The following KIAA0825 variants were observed in gnomAD, a reference collection of about 807,000 sequenced individuals.
KIAA0825 encodes the protein uncharacterized protein KIAA0825.
KIAA0825 carries 119 observed loss-of-function variants against 147.6 expected under a neutral mutation model. That is an observed-to-expected ratio of 0.81 (90% CI 0.69 to 0.94). The LOEUF (loss-of-function observed/expected upper bound fraction) is 0.94. Ranked by LOEUF, KIAA0825 falls within the 40% of genes least tolerant of loss-of-function variation. KIAA0825 has a pLI of 0.00. For missense variants in KIAA0825, 1,381 were observed against 1,472.7 expected (o/e 0.94, Z 1.02); for synonymous variants, 470 against 518.1 (o/e 0.91, Z 1.26).
intron 20 of KIAA0825, among the ~76,000 whole-genome samples, chr5:94,335,212 C>G (rs1331236570): frequency 6.6e-6 from 1 of 152,082 alleles, no homozygotes. Flanking sequence ...TTACTGTCCC[C>G]CAAAGTTCAG....
chr5:94,382,469 C>G (rs1328519260), intron 20 of KIAA0825, among the ~76,000 whole-genome samples: 1 of 152,136 alleles, frequency 6.6e-6, no homozygotes, highest in Non-Finnish European at 1.5e-5. Context: ...GATAGAAAAG[C>G]CTGTAAACCC....
At chr5:94,377,026 A>G (rs1446192289) in intron 20 of KIAA0825, among the ~76,000 whole-genome samples, 2 of 152,228 alleles carry the variant, frequency 1.3e-5, no homozygotes, top group South Asian at 2.1e-4. Context: ...TCTGCCCTCT[A>G]CACACCACAG....
chr5:94,374,930 A>G (rs1275305628), intron 20 of KIAA0825, among the ~76,000 whole-genome samples: 1 of 152,142 alleles, frequency 6.6e-6, no homozygotes, highest in African/African-American at 2.4e-5. Flanking sequence ...CTCTGAAGAA[A>G]AGGTAAGCAT....
chr5:94,364,344 C>G (rs2150416674), intron 20 of KIAA0825, among the ~76,000 whole-genome samples: 1 of 151,774 alleles, frequency 6.6e-6, no homozygotes, highest in East Asian at 1.9e-4. Context: ...AAGTCATTAA[C>G]ACGGAGCTCT....
chr5:94,464,064 C>CAAA (rs11364703), intron 11 of KIAA0825, among the ~76,000 whole-genome samples: 76 of 90,222 alleles, frequency 8.4e-4, no homozygotes, highest in Non-Finnish European at 9.5e-4. Context: ...TTCCTCCTGC[C>CAAA]AAAAAAAAAA....
At chr5:94,526,122 A>G (rs761341093) in intron 3 of KIAA0825, among the ~76,000 whole-genome samples, 8 of 152,036 alleles carry the variant, frequency 5.3e-5, no homozygotes, top group Non-Finnish European at 1.0e-4. Flanking sequence ...TACAAAATAA[A>G]TATTTTCAAA....
rs1449664800 is a variant in KIAA0825 at position 94,608,441 on chromosome 5, A to ATGTGTGTGTATATGTGTGTGTGTGTGTG, written c.-153+10058_-153+10059insCACACACACACACACATATACACACACA. On this transcript the variant is annotated intron_variant, in intron 1 of 20. Transcript: ENST00000682413. ...CACACCTGGCTAATTTTGTGTGTGT[A>ATGTGTGTGTATATGTGTGTGTGTGTGTG]TGTGTGTGTGTATATATATATATTA... Among the ~76,000 whole-genome samples the ATGTGTGTGTATATGTGTGTGTGTGTGTG allele has an allele frequency of 7.9e-5, 3 of 37,980 alleles. 1 individual carries two copies. Among genetic ancestry groups the ATGTGTGTGTATATGTGTGTGTGTGTGTG allele is most frequent in the African/African-American group, 4.2e-4 (3 of 7,180 alleles). The allele number at this position is 37,980 out of a possible 152,430, so 24.9% of individuals were successfully genotyped here.
chr5:94,383,933 G>C (rs1389091325), intron 20 of KIAA0825, among the ~76,000 whole-genome samples: 1 of 151,818 alleles, frequency 6.6e-6, no homozygotes, highest in Non-Finnish European at 1.5e-5. Context: ...ATGTTTTCCT[G>C]ATTAGACTAG....
intron 20 of KIAA0825, among the ~76,000 whole-genome samples, chr5:94,225,508 A>G (rs907497980): frequency 2.6e-5 from 4 of 152,154 alleles, no homozygotes; most frequent in Non-Finnish European, 5.9e-5. Context: ...TTTTGGAATT[A>G]ATTATTCATA....
chr5:94,453,064 A>G lies in KIAA0825; in HGVS notation c.2252T>C (p.Phe751Ser). The change falls in exon 13 of 21, where the codon TTT (phenylalanine) becomes TCT (serine). Residue 751 changes from phenylalanine (F) to serine (S), a missense_variant. Phe to Ser is a radical substitution (Grantham distance 155). Coordinates refer to ENST00000682413, the MANE Select transcript of KIAA0825 (RefSeq NM_001145678.3). ...TSPLTELYKT[F>S]QHGLDESASD... ...AGCAGACTCATCCAGGCCATGCTGA[A>G]AAGTCCTAGGGAAATACAAATAATT... is the stretch of plus-strand genomic sequence containing the variant. 6.7e-7 allele frequency: 1 copy of G among 1,497,510 alleles called. No homozygotes were observed. The highest frequency in any genetic ancestry group is 1.3e-5 in the South Asian group (1 of 77,598). 92.8% of individuals were successfully genotyped at this position (1,497,510 alleles called of 1,614,324 possible).
chr5:94,315,050 A>C (rs1779523931), intron 20 of KIAA0825, among the ~76,000 whole-genome samples: 1 of 151,630 alleles, frequency 6.6e-6, no homozygotes, highest in African/African-American at 2.4e-5. Context: ...TCTCTTGAAA[A>C]ATATTTTTAT....
At chr5:94,316,354 T>C (rs1779660223) in intron 20 of KIAA0825, among the ~76,000 whole-genome samples, 1 of 151,378 alleles carries the variant, frequency 6.6e-6, no homozygotes. Flanking sequence ...ACTTTTTTCC[T>C]CAAAAACTGA....
chr5:94,285,427 A>C lies in KIAA0825; in HGVS notation c.3710+98941T>G, dbSNP rs1415674270. 2.0e-5 allele frequency among the ~76,000 whole-genome samples: 3 copies of C among 152,148 alleles called. 1 individual carries two copies. Among genetic ancestry groups the C allele is most frequent in the Admixed American group, 2.0e-4 (3 of 15,254 alleles). On this transcript the variant is annotated intron_variant, in intron 20 of 20. Transcript: ENST00000682413. Reference sequence around the variant, plus strand: ...CCTAGCATTTTCATTGAAGAAATCTAGTCCATTCTCATTTTATTTGATATA... The same window carrying C: ...CCTAGCATTTTCATTGAAGAAATCTCGTCCATTCTCATTTTATTTGATATA...
intron 20 of KIAA0825, among the ~76,000 whole-genome samples, chr5:94,179,341 A>T (rs1769392095): frequency 1.3e-5 from 2 of 152,224 alleles, no homozygotes; most frequent in Middle Eastern, 3.4e-3. Context: ...CAAGGAATCT[A>T]ACTATATTAC....
chr5:94,287,155 C>T (rs1178210172), intron 20 of KIAA0825, among the ~76,000 whole-genome samples: 3 of 152,098 alleles, frequency 2.0e-5, no homozygotes, highest in African/African-American at 7.2e-5. Context: ...TCACCAACAC[C>T]AGTGCCTGGT....
At chr5:94,536,065 TTC>T (rs1771947340) in intron 3 of KIAA0825, among the ~76,000 whole-genome samples, 1 of 152,234 alleles carries the variant, frequency 6.6e-6, no homozygotes, top group African/African-American at 2.4e-5. Context: ...ATAAAAGTGT[TTC>T]TTTTTCCTTT....
chr5:94,179,094 A>G (rs1379045776), intron 20 of KIAA0825, among the ~76,000 whole-genome samples: 1 of 152,126 alleles, frequency 6.6e-6, no homozygotes, highest in Non-Finnish European at 1.5e-5. Flanking sequence ...CATAGGCAGG[A>G]AAACAGATCT....
rs1264353147 is a variant in KIAA0825 at position 94,537,095 on chromosome 5, G to A, written c.32C>T (p.Ser11Phe). 2.5e-6 allele frequency: 4 copies of A among 1,610,530 alleles called. 1 individual carries two copies. Among genetic ancestry groups the A allele is most frequent in the Middle Eastern group, 1.7e-4 (1 of 6,050 alleles). MDWDDEYSHN[S>F]FDLHCLLNSF... ...GTTTAACAAACAATGTAGGTCAAAA[G>A]AATTATGAGAATATTCATCATCCCA... The change falls in exon 3 of 21, where the codon TCT (serine) becomes TTT (phenylalanine). Residue 11 changes from serine to phenylalanine, a missense_variant. Transcript: ENST00000682413.
At chr5:94,470,160 T>C in intron 9 of KIAA0825, 49 bp from the exon 10 acceptor site, 2 of 1,409,100 alleles carry the variant, frequency 1.4e-6, no homozygotes, top group Non-Finnish European at 1.9e-6. Flanking sequence ...GCCTGTGCAG[T>C]AGGAGATAAC....
Sources: allele counts gnomAD v4.1 joint callset (sites outside exome capture counted in the v4.1 genomes callset), GRCh38; gene constraint gnomAD v4.1.1; transcripts MANE v1.5; gene names NCBI Gene and HGNC (gene_info 2026-07-23, HGNC 2026-07-21).